Variants in FGFR1 observed in about 807,000 individuals in gnomAD.
The protein encoded by FGFR1 is fibroblast growth factor receptor 1, also known as FGFR1/PLAG1 fusion.
A neutral mutation model predicts 93.7 loss-of-function variants in FGFR1; 18 were observed. That is an observed-to-expected ratio of 0.19 (90% CI 0.13 to 0.28). The LOEUF (loss-of-function observed/expected upper bound fraction) is 0.28, where lower values mean the gene tolerates loss of function less well. FGFR1 is among the 10% of genes least tolerant of loss of function. FGFR1 has a pLI of 1.00. For synonymous variants in FGFR1, 448 were observed against 429.3 expected (o/e 1.04, Z -0.54); for missense variants, 731 against 1,080.4 (o/e 0.68, Z 4.53).
intron 11 of FGFR1, 73 bp from the exon 12 acceptor site, chr8:38,417,489 A>G (rs1817094689): frequency 7.8e-6 from 10 of 1,290,292 alleles, no homozygotes; most frequent in Admixed American, 1.7e-5. Flanking sequence ...GGAGTGGGGT[A>G]TGTGTCGAGG....
rs1372382432 is a variant in FGFR1 at position 38,429,712 on chromosome 8, C to T, written c.328G>A (p.Asp110Asn). Reference sequence around the variant, plus strand: ...ACATTGACGGAGAAGTAGGTGGTGTCACTGCCCGAGGGGCTGCTGGTTACG... The same window carrying T: ...ACATTGACGGAGAAGTAGGTGGTGTTACTGCCCGAGGGGCTGCTGGTTACG... Reference protein sequence around the residue: ...ACVTSSPSGSDTTYFSVNVSD... With the variant: ...ACVTSSPSGSNTTYFSVNVSD... Residue 110 changes from aspartate (D) to asparagine (N), a missense_variant, in exon 3 of 18, where the codon GAC becomes AAC. Around this residue, in one of 10 missense-constraint regions of FGFR1, gnomAD observed 212 missense variants for 205.8 expected, o/e 1.03. Coordinates refer to ENST00000447712, the MANE Select transcript of FGFR1 (RefSeq NM_023110.3). This position sits in a 1 kb window ranked among gnomAD's most constrained non-coding sequence, Gnocchi z 4.4. 2 of 1,573,248 alleles carry T rather than the reference C, an allele frequency of 1.3e-6. No individual in the cohort carries two copies. Among genetic ancestry groups the T allele is most frequent in the South Asian group, 1.2e-5 (1 of 85,956 alleles).
At chr8:38,437,623 T>C (rs891653959) in intron 2 of FGFR1, among the ~76,000 whole-genome samples, 3 of 152,138 alleles carry the variant, frequency 2.0e-5, no homozygotes, top group Non-Finnish European at 4.4e-5. Flanking sequence ...CTTACAGGCA[T>C]GGCTGTACCC....
chr8:38,431,301 C>A (rs969757245), intron 2 of FGFR1, among the ~76,000 whole-genome samples: 1 of 152,194 alleles, frequency 6.6e-6, no homozygotes, highest in African/African-American at 2.4e-5. Context: ...GACTCCCAGT[C>A]TGGGTTAGGT....
intron 2 of FGFR1, among the ~76,000 whole-genome samples, chr8:38,442,362 G>GGTGTGTGTGTGTGTGT (rs56889687): frequency 0.015 from 2,118 of 146,024 alleles, 43 homozygotes; most frequent in African/African-American, 0.032. Flanking sequence ...TTGTTAAAGT[G>GGTGTGTGTGTGTGTGT]GTGTGTGTGT....
intron 2 of FGFR1, among the ~76,000 whole-genome samples, chr8:38,442,362 G>GGTGTGTGTGT (rs56889687): frequency 0.12 from 17,787 of 145,914 alleles, 1,319 homozygotes; most frequent in East Asian, 0.27. Context: ...TTGTTAAAGT[G>GGTGTGTGTGT]GTGTGTGTGT....
rs1423846675 is a variant in FGFR1 at position 38,413,833 on chromosome 8, G to C, written c.2293-29C>G. The C allele has an allele frequency of 1.2e-6, 2 of 1,613,804 alleles. No individual in the cohort carries two copies. The highest frequency in any genetic ancestry group is 1.7e-6 in the Non-Finnish European group (2 of 1,179,836). On this transcript the variant is annotated intron_variant, in intron 17 of 17. Coordinates refer to ENST00000447712, the MANE Select transcript of FGFR1 (RefSeq NM_023110.3). This position sits in a 1 kb window ranked among gnomAD's most constrained non-coding sequence, Gnocchi z 4.2. The stretch of plus-strand genomic sequence containing the variant: ...TGATGGGCGAGAGGAAGCAGCGATG[G>C]GCCGGGCCCCTCCTCCCTGCTCAGG...
chr8:38,442,196 T>TC (rs1827723003), intron 2 of FGFR1, among the ~76,000 whole-genome samples: 1 of 152,114 alleles, frequency 6.6e-6, no homozygotes, highest in Non-Finnish European at 1.5e-5. Flanking sequence ...TTAGGTGGAC[T>TC]GTAAGTTGGG....
intron 1 of FGFR1, chr8:38,466,504 T>G (rs1586824380): frequency 4.3e-6 from 1 of 230,966 alleles, no homozygotes; most frequent in Admixed American, 5.7e-5. Context: ...GCCTCTTTAC[T>G]GCGCAATCCA....
chr8:38,414,930 G>T, intron 13 of FGFR1, 29 bp from the exon 14 acceptor site: 1 of 1,601,632 alleles, frequency 6.2e-7, no homozygotes. Context: ...AGAGCGGGAG[G>T]CGGGGAGGTG....
chr8:38,448,911 C>T (rs1830228867), intron 2 of FGFR1, among the ~76,000 whole-genome samples: 1 of 152,046 alleles, frequency 6.6e-6, no homozygotes, highest in Non-Finnish European at 1.5e-5. Flanking sequence ...GCCGAGATCG[C>T]GCCACTGCAC....
At position 38,417,354 on chromosome 8, in the gene FGFR1, C is replaced by T. The variant is rs201158796; in HGVS notation, c.1615G>A (p.Gly539Arg). ...ISEMEMMKMI[G>R]KHKNIINLLG... ...AGGTTGATGATATTCTTATGCTTCC[C>T]GATCATCTTCATCATCTCCATTTCT... The change falls in exon 12 of 18, where the codon GGG becomes AGG. Residue 539 changes from glycine (G) to arginine (R), a missense_variant. By Grantham distance (125) the Gly-to-Arg change is moderately radical. This residue lies in a region of FGFR1 where 62 missense variants were observed against 99.5 expected (regional missense o/e 0.62). Coordinates refer to ENST00000447712, the MANE Select transcript of FGFR1 (RefSeq NM_023110.3). The T allele has an allele frequency of 4.3e-6, 7 of 1,614,024 alleles. No homozygotes were observed. The highest frequency in any genetic ancestry group is 5.9e-6 in the Non-Finnish European group (7 of 1,180,044).
At chr8:38,431,046 C>G (rs1822915670) in intron 2 of FGFR1, among the ~76,000 whole-genome samples, 1 of 152,186 alleles carries the variant, frequency 6.6e-6, no homozygotes, top group Non-Finnish European at 1.5e-5. Flanking sequence ...TCTCACCTAC[C>G]ACCCACATCC....
chr8:38,412,491 A>G lies in FGFR1; in HGVS notation c.*1137T>C, dbSNP rs887535319. ...CCTTGACTCTCTGCCCAGCGCCTCT[A>G]CTGCATGGATGGGGTTCCTGCCCTC... On this transcript the variant is annotated 3_prime_UTR_variant, in exon 18 of 18. Coordinates refer to ENST00000447712, the MANE Select transcript of FGFR1 (RefSeq NM_023110.3). The G allele has an allele frequency of 4.3e-6, 1 of 232,778 alleles. No homozygotes were observed. The highest frequency in any genetic ancestry group is 2.2e-5 in the African/African-American group (1 of 45,296). The allele number at this position is 232,778 out of a possible 1,614,324, so 14.4% of individuals were successfully genotyped here.
chr8:38,416,211 C>CA (rs970842094), intron 12 of FGFR1, 151 bp from the exon 13 acceptor site: 46 of 678,808 alleles, frequency 6.8e-5, no homozygotes, highest in East Asian at 8.2e-5. Flanking sequence ...TTCTACTACC[C>CA]AAAAAAAATC....
At chr8:38,425,419 A>C (rs1426810990) in intron 6 of FGFR1, among the ~76,000 whole-genome samples, 3 of 152,122 alleles carry the variant, frequency 2.0e-5, no homozygotes, top group African/African-American at 4.8e-5. Flanking sequence ...AAGTGATGGG[A>C]TCACAGGCGT....
Position 38,452,933 on chromosome 8 carries a change from C to T in FGFR1, c.91+4423G>A, listed in dbSNP as rs181508950. ...TGGAGGTTGCAGTGAGCCAAGATCA[C>T]GCCACTGCACTCCAGCCTCGCGACA... On this transcript the variant is annotated intron_variant, in intron 2 of 17. Transcript: ENST00000447712. Among the ~76,000 whole-genome samples, 505 of 152,268 alleles carry T rather than the reference C, an allele frequency of 3.3e-3. 4 individuals carry two copies. The highest frequency in any genetic ancestry group is 5.3e-3 in the Admixed American group (81 of 15,292).
intron 2 of FGFR1, among the ~76,000 whole-genome samples, chr8:38,442,362 G>GGTGTGTGTGTGTGTGAGTGT (rs1827791200): frequency 6.9e-6 from 1 of 145,980 alleles, no homozygotes; most frequent in South Asian, 2.2e-4. Context: ...TTGTTAAAGT[G>GGTGTGTGTGTGTGTGAGTGT]GTGTGTGTGT....
In FGFR1 at chr8:38,429,426, C is replaced by T. The variant is rs776711162; in HGVS notation, c.358+256G>A. The T allele has an allele frequency of 4.1e-5, 29 of 699,830 alleles. No individual in the cohort carries two copies. The highest frequency in any genetic ancestry group is 6.8e-5 in the Non-Finnish European group (26 of 382,542). The allele number at this position is 699,830 out of a possible 1,614,324, so 43.4% of individuals were successfully genotyped here. A position where few individuals can be genotyped will look rare whatever the true frequency, so the allele number is the denominator to read the frequency against. ...AAAAAATCACAGGGTCTTAACATCCCAAGAGCCCTGGCAATCACCTCCGAG... is the reference window on the plus strand; with the variant it reads ...AAAAAATCACAGGGTCTTAACATCCTAAGAGCCCTGGCAATCACCTCCGAG... On this transcript the variant is annotated intron_variant, in intron 3 of 17. Coordinates refer to ENST00000447712, the MANE Select transcript of FGFR1 (RefSeq NM_023110.3). The surrounding 1 kb of genome is among the most constrained non-coding windows in gnomAD (Gnocchi z 4.4).
chr8:38,467,189 T>C (rs1835754557), intron 1 of FGFR1, among the ~76,000 whole-genome samples: 1 of 151,730 alleles, frequency 6.6e-6, no homozygotes, highest in Admixed American at 6.6e-5. Context: ...ATCCCACACC[T>C]CGGCTTAACG....
Sources: gnomAD v4.1 joint callset for allele counts (sites outside exome capture counted in the v4.1 genomes callset) on GRCh38, gnomAD v4.1.1 for gene constraint, gnomAD v4.1.1 regional missense constraint, Gnocchi (gnomAD v3.1) non-coding constraint, MANE v1.5 for transcripts, NCBI Gene and HGNC (gene_info 2026-07-23, HGNC 2026-07-21) for gene names.